The following DCUN1D4 variants were observed in gnomAD, a reference collection of about 807,000 sequenced individuals.
The protein encoded by DCUN1D4 is defective in cullin neddylation 1 domain containing 4, also known as DCN1-like protein 4.
A neutral mutation model predicts 47.9 loss-of-function variants in DCUN1D4; 22 were observed. That is an observed-to-expected ratio of 0.46 (90% CI 0.33 to 0.66). DCUN1D4 has a LOEUF of 0.66. Ranked by LOEUF, DCUN1D4 falls within the 30% of genes least tolerant of loss-of-function variation. The pLI, the probability that DCUN1D4 is intolerant of heterozygous loss-of-function variation, is 0.02. For synonymous variants in DCUN1D4, 121 were observed against 112.2 expected, an observed-to-expected ratio of 1.08 and a Z score of -0.50; for missense variants, 301 against 340.8, an observed-to-expected ratio of 0.88 and a Z score of 0.92.
chr4:51,887,114 T>G lies in DCUN1D4; in HGVS notation c.414+476T>G, dbSNP rs1482929726. 4.2e-5 allele frequency: 19 copies of G among 455,390 alleles called. No homozygotes were observed. In the Admixed American group the frequency reaches 4.5e-4, roughly 11 times the overall value. The allele number at this position is 455,390 out of a possible 1,614,324, so 28.2% of individuals were successfully genotyped here. The stretch of plus-strand genomic sequence containing the variant: ...TTAGCTCAGAAGTGATTGCTTTTTT[T>G]TTTTTGAGATGGAGTCTCGCACTGT... On this transcript the variant is annotated intron_variant, in intron 6 of 10. Transcript: ENST00000334635.
Position 51,843,169 on chromosome 4 carries a change from G to A in DCUN1D4, c.-74G>A. The A allele has an allele frequency of 6.5e-7, 1 of 1,530,268 alleles. No individual in the cohort carries two copies. The highest frequency in any genetic ancestry group is 8.8e-7 in the Non-Finnish European group (1 of 1,139,216). The allele number at this position is 1,530,268 out of a possible 1,614,324, so 94.8% of individuals were successfully genotyped here. ...CGGGTCCTCAGCTTCGAGCCGAGGTGCAGTGAGCTGGTGGGGGGACCGCGA... is the reference window on the plus strand; with the variant it reads ...CGGGTCCTCAGCTTCGAGCCGAGGTACAGTGAGCTGGTGGGGGGACCGCGA... On this transcript the variant is annotated 5_prime_UTR_variant, in exon 1 of 11. Transcript: ENST00000334635.
chr4:51,843,659 G>GGAGGGAGC (rs1721964220), intron 1 of DCUN1D4: 1 of 1,254,512 alleles, frequency 8.0e-7, no homozygotes. Flanking sequence ...GCGGGGAGAG[G>GGAGGGAGC]GAGGGAGCGA....
At chr4:51,841,210 T>A (rs1361479963), upstream of DCUN1D4, among the ~76,000 whole-genome samples, 1 of 152,076 alleles carries the variant, frequency 6.6e-6, no homozygotes, top group East Asian at 1.9e-4. Flanking sequence ...ATAACATGTG[T>A]CTCAGTCTTT....
the DCUN1D4 span, among the ~76,000 whole-genome samples, chr4:51,836,456 A>C: frequency 6.6e-6 from 1 of 151,968 alleles, no homozygotes; most frequent in Non-Finnish European, 1.5e-5. Context: ...TGTGTGTCCA[A>C]ATTTATTTCT....
intron 4 of DCUN1D4, among the ~76,000 whole-genome samples, chr4:51,876,345 C>T (rs1371056616): frequency 6.6e-6 from 1 of 151,468 alleles, no homozygotes; most frequent in African/African-American, 2.4e-5. Context: ...CATGTTCTCA[C>T]TCATAGGTGG....
intron 1 of DCUN1D4, among the ~76,000 whole-genome samples, chr4:51,851,454 A>G (rs760190053): frequency 6.6e-6 from 1 of 152,104 alleles, no homozygotes; most frequent in Non-Finnish European, 1.5e-5. Flanking sequence ...TTCCAAGCCC[A>G]GCGACAACAT....
intron 7 of DCUN1D4, among the ~76,000 whole-genome samples, chr4:51,894,680 G>T (rs564785157): frequency 6.6e-6 from 1 of 152,002 alleles, no homozygotes; most frequent in African/African-American, 2.4e-5. Flanking sequence ...GAAAGTAGTC[G>T]ATCTTTAAAC....
intron 1 of DCUN1D4, among the ~76,000 whole-genome samples, chr4:51,853,785 G>A (rs1723715930): frequency 6.6e-6 from 1 of 152,180 alleles, no homozygotes; most frequent in African/African-American, 2.4e-5. Context: ...TTAGGAAGCT[G>A]GGTTTATTTT....
chr4:51,891,817 C>T lies in DCUN1D4; in HGVS notation c.472C>T (p.Leu158=). ...LDAQNMGYFT[L]QEWLKGMTSL... is the part of the protein sequence containing the mutation. Reference sequence around the variant, plus strand: ...TGCACAAAACATGGGTTATTTTACTCTACAGGAGTGGTTAAAAGGAATGAC... The same window carrying T: ...TGCACAAAACATGGGTTATTTTACTTTACAGGAGTGGTTAAAAGGAATGAC... Residue 158 remains leucine, a synonymous_variant, in exon 7 of 11, where the codon CTA becomes TTA. Coordinates refer to ENST00000334635, the MANE Select transcript of DCUN1D4 (RefSeq NM_001040402.3). 6.2e-7 allele frequency: 1 copy of T among 1,612,758 alleles called. No individual in the cohort carries two copies.
rs971241722 is a variant in DCUN1D4 at position 51,914,751 on chromosome 4, C to T, written c.*1167C>T. On this transcript the variant is annotated 3_prime_UTR_variant, in exon 11 of 11. Coordinates refer to ENST00000334635, the MANE Select transcript of DCUN1D4 (RefSeq NM_001040402.3). The stretch of plus-strand genomic sequence containing the variant: ...TACCTGAGTTATTTGTACAGAAGGG[C>T]AATAGCCATTATTTTTGTGGATGAG... 4.0e-5 allele frequency: 6 copies of T among 150,428 alleles called. No homozygotes were observed. Among genetic ancestry groups the T allele is most frequent in the African/African-American group, 1.2e-4 (5 of 40,786 alleles). 9.3% of individuals were successfully genotyped at this position (150,428 alleles called of 1,614,324 possible). A position where few individuals can be genotyped will look rare whatever the true frequency, so the allele number is the denominator to read the frequency against.
intron 3 of DCUN1D4, among the ~76,000 whole-genome samples, chr4:51,870,278 A>C (rs761360932): frequency 6.6e-6 from 1 of 152,152 alleles, no homozygotes; most frequent in Non-Finnish European, 1.5e-5. Context: ...AAATTTAATG[A>C]TACAAATAAA....
intron 8 of DCUN1D4, among the ~76,000 whole-genome samples, chr4:51,900,137 T>G (rs4568291): frequency 0.44 from 66,169 of 152,032 alleles, 17,823 homozygotes; most frequent in African/African-American, 0.76. Context: ...TTTTTTAAAT[T>G]ATTTTTTTTT....
chr4:51,841,388 C>T (rs2109762656), upstream of DCUN1D4, among the ~76,000 whole-genome samples: 1 of 152,210 alleles, frequency 6.6e-6, no homozygotes, highest in South Asian at 2.1e-4. Flanking sequence ...AGAGTAAGGG[C>T]GGATATTCTT....
chr4:51,904,425 G>C (rs1046613640), intron 8 of DCUN1D4, among the ~76,000 whole-genome samples: 3 of 152,212 alleles, frequency 2.0e-5, no homozygotes, highest in African/African-American at 7.2e-5. Flanking sequence ...AGACCACTCT[G>C]GAGACCTTCA....
rs1232621332 is a variant in DCUN1D4 at position 51,843,187 on chromosome 4, GAC to G, written c.-55_-54del. ...CCGAGGTGCAGTGAGCTGGTGGGGGGACCGCGAGGCGAGCGCGGGAGCCTGGG... is the reference window on the plus strand; with the variant it reads ...CCGAGGTGCAGTGAGCTGGTGGGGGGCGCGAGGCGAGCGCGGGAGCCTGGG... On this transcript the variant is annotated 5_prime_UTR_variant, in exon 1 of 11. Transcript: ENST00000334635. The G allele has an allele frequency of 6.5e-7, 1 of 1,535,940 alleles. No individual in the cohort carries two copies. The highest frequency in any genetic ancestry group is 1.4e-5 in the African/African-American group (1 of 71,888).
At chr4:51,834,474 CT>C in the DCUN1D4 span, among the ~76,000 whole-genome samples, 1 of 152,156 alleles carries the variant, frequency 6.6e-6, no homozygotes, top group East Asian at 1.9e-4. Flanking sequence ...ACACACCCGA[CT>C]GGCCCTATAC....
upstream of DCUN1D4, among the ~76,000 whole-genome samples, chr4:51,839,536 G>A (rs1721579247): frequency 6.6e-6 from 1 of 152,138 alleles, no homozygotes; most frequent in Non-Finnish European, 1.5e-5. Flanking sequence ...AATTCAGTTG[G>A]TCATATTTGG....
chr4:51,857,700 G>A (rs1401569671), intron 1 of DCUN1D4, among the ~76,000 whole-genome samples: 1 of 152,198 alleles, frequency 6.6e-6, no homozygotes. Context: ...ATCCTTAGGA[G>A]ATTAAATCTA....
intron 8 of DCUN1D4, among the ~76,000 whole-genome samples, chr4:51,907,793 G>A (rs1733122247): frequency 1.3e-5 from 2 of 152,022 alleles, no homozygotes. Context: ...TAGCAGATCT[G>A]GATACTCAGA....
Sources: gnomAD v4.1 joint callset for allele counts (sites outside exome capture counted in the v4.1 genomes callset) on GRCh38, gnomAD v4.1.1 for gene constraint, MANE v1.5 for transcripts, NCBI Gene and HGNC (gene_info 2026-07-23, HGNC 2026-07-21) for gene names.